Variants in FBXO10 observed in about 807,000 individuals in gnomAD.
FBXO10 encodes F-box protein 10, also known as F-box only protein 10.
Under a neutral mutation model 80.7 loss-of-function variants are expected in FBXO10, and 39 were observed. That is an observed-to-expected ratio of 0.48 (90% confidence interval 0.37 to 0.63). FBXO10 has a LOEUF of 0.63. Ranked by LOEUF, FBXO10 falls within the 30% of genes least tolerant of loss-of-function variation. The pLI, the probability that FBXO10 is intolerant of heterozygous loss-of-function variation, is 0.00. For synonymous variants in FBXO10, 449 were observed against 489.6 expected (o/e 0.92, Z 1.09); for missense variants, 1,025 against 1,269.0 (o/e 0.81, Z 2.92).
Position 37,522,814 on chromosome 9 carries a change from AAGCTCCTCACCGT to A in FBXO10, c.1928_1930+10del. 1 of 1,551,564 alleles carries A rather than the reference AAGCTCCTCACCGT, an allele frequency of 6.4e-7. No homozygotes were observed. The highest frequency in any genetic ancestry group is 1.2e-5 in the South Asian group (1 of 84,018). ...CTGCCTCCCCGGCTGGGTTGGGAAC[AAGCTCCTCACCGT>A]AGATGGTATTTCCTTCTATGAGGCC... On this transcript the variant is annotated splice_donor_variant and splice_donor_5th_base_variant and coding_sequence_variant and intron_variant, in exon 7 of 11. Coordinates refer to ENST00000432825, the MANE Select transcript of FBXO10 (RefSeq NM_012166.3). LOFTEE classifies it high-confidence loss of function.
In FBXO10 at chr9:37,524,828, G is replaced by T. The variant is rs977757869; in HGVS notation, c.1777+274C>A. Among the ~76,000 whole-genome samples, 4 of 152,242 alleles carry T rather than the reference G, an allele frequency of 2.6e-5. No homozygotes were observed. The South Asian group carries it at 8.3e-4, about 31-fold the overall frequency. ...CCAAGAGGAGGGATTTGGACAGGTG[G>T]TTGGGCATCAGTGCTTCTGAAACTG... On this transcript the variant is annotated intron_variant, in intron 6 of 10. Transcript: ENST00000432825.
Position 37,512,541 on chromosome 9 carries a change from G to C in FBXO10, c.*6C>G. 6.2e-7 allele frequency: 1 copy of C among 1,611,786 alleles called. No homozygotes were observed. The highest frequency in any genetic ancestry group is 8.5e-7 in the Non-Finnish European group (1 of 1,178,250). Reference sequence around the variant, plus strand: ...CCAGGCTTGGCCCTGAAGCAGGTCTGTGTCCTCACAGGATGGTGCAGAAGA... The same window carrying C: ...CCAGGCTTGGCCCTGAAGCAGGTCTCTGTCCTCACAGGATGGTGCAGAAGA... On this transcript the variant is annotated 3_prime_UTR_variant, in exon 11 of 11. Coordinates refer to ENST00000432825, the MANE Select transcript of FBXO10 (RefSeq NM_012166.3).
chr9:37,544,276 A>C (rs1016940693), intron 1 of FBXO10, among the ~76,000 whole-genome samples: 1 of 152,038 alleles, frequency 6.6e-6, no homozygotes, highest in African/African-American at 2.4e-5. Flanking sequence ...CTCAAAACAA[A>C]ACAAAAATTA....
At chr9:37,512,871 A>C in intron 10 of FBXO10, 150 bp from the exon 11 acceptor site, 2 of 805,426 alleles carry the variant, frequency 2.5e-6, no homozygotes, top group South Asian at 3.9e-5. Context: ...GTGTTAGTCC[A>C]AAGAGGTGGG....
chr9:37,547,235 T>G (rs1464755269), intron 1 of FBXO10, among the ~76,000 whole-genome samples: 2 of 152,224 alleles, frequency 1.3e-5, no homozygotes, highest in Non-Finnish European at 2.9e-5. Context: ...AATAGAGTAC[T>G]ATTCAGCAAT....
chr9:37,525,251 T>G (rs1428288310), intron 5 of FBXO10, 79 bp from the exon 6 acceptor site: 2 of 1,334,334 alleles, frequency 1.5e-6, no homozygotes, highest in South Asian at 2.5e-5. Flanking sequence ...CCTTCTTTCA[T>G]GGAAACCCTG....
intron 1 of FBXO10, among the ~76,000 whole-genome samples, chr9:37,557,059 C>A (rs1057057084): frequency 6.6e-6 from 1 of 152,188 alleles, no homozygotes; most frequent in African/African-American, 2.4e-5. Context: ...ACAAGGAGAG[C>A]ATTCTTAGCT....
chr9:37,527,417 A>G (rs562461099), intron 5 of FBXO10, among the ~76,000 whole-genome samples: 2 of 152,192 alleles, frequency 1.3e-5, no homozygotes, highest in East Asian at 3.9e-4. Context: ...CCTTTGCACT[A>G]TCCCTCTGGT....
intron 1 of FBXO10, among the ~76,000 whole-genome samples, chr9:37,565,091 C>G (rs908711821): frequency 2.6e-5 from 4 of 152,110 alleles, no homozygotes; most frequent in Non-Finnish European, 5.9e-5. Context: ...GATAGTGAGT[C>G]CCATGAGATC....
intron 1 of FBXO10, among the ~76,000 whole-genome samples, chr9:37,547,005 TCA>T (rs1822074266): frequency 1.3e-5 from 2 of 152,216 alleles, no homozygotes; most frequent in African/African-American, 4.8e-5. Flanking sequence ...GAAAAGTGTT[TCA>T]GTTTCTTCTA....
intron 1 of FBXO10, among the ~76,000 whole-genome samples, chr9:37,549,157 G>A (rs1413623334): frequency 6.6e-6 from 1 of 152,088 alleles, no homozygotes; most frequent in Non-Finnish European, 1.5e-5. Flanking sequence ...TTGTGAGCTT[G>A]TCTTTTTCTC....
chr9:37,573,443 A>G (rs897478043), intron 1 of FBXO10, among the ~76,000 whole-genome samples: 1 of 152,238 alleles, frequency 6.6e-6, no homozygotes, highest in Non-Finnish European at 1.5e-5. Flanking sequence ...TCATGCTGGC[A>G]GAGATTTGGT....
In FBXO10 at chr9:37,525,146, G is replaced by A; in HGVS notation, c.1733C>T (p.Ala578Val). The change falls in exon 6 of 11, where the codon GCT becomes GTT. Residue 578 changes from alanine (A) to valine (V), a missense_variant. Physicochemically the swap from Ala to Val is moderately conservative, Grantham distance 64. Coordinates refer to ENST00000432825, the MANE Select transcript of FBXO10 (RefSeq NM_012166.3). ...GTTCTCATTCACTGCTATGCCGGCA[G>A]CACGGCCCTTGAAGATGTGGTTCCC... is the stretch of plus-strand genomic sequence containing the variant. The part of the protein sequence containing the change: ...VSGNHIFKGR[A>V]AGIAVNENGK... The A allele has an allele frequency of 6.4e-7, 1 of 1,564,540 alleles. No homozygotes were observed. Among genetic ancestry groups the A allele is most frequent in the Non-Finnish European group, 8.7e-7 (1 of 1,154,358 alleles).
At chr9:37,564,803 G>A (rs1184468947) in intron 1 of FBXO10, among the ~76,000 whole-genome samples, 1 of 152,210 alleles carries the variant, frequency 6.6e-6, no homozygotes, top group East Asian at 1.9e-4. Context: ...TAGGCAGAAG[G>A]GACTTGCCTT....
chr9:37,513,235 G>T (rs758839070), intron 10 of FBXO10, among the ~76,000 whole-genome samples: 2 of 152,242 alleles, frequency 1.3e-5, no homozygotes, highest in African/African-American at 2.4e-5. Context: ...CTGGGCTCAA[G>T]TGATCCTCCT....
chr9:37,514,416 G>A (rs1821133036), intron 10 of FBXO10, among the ~76,000 whole-genome samples: 1 of 152,158 alleles, frequency 6.6e-6, no homozygotes, highest in African/African-American at 2.4e-5. Flanking sequence ...AATATAATCT[G>A]CTGGGATATT....
At chr9:37,538,717 A>G (rs1388346650) in intron 2 of FBXO10, among the ~76,000 whole-genome samples, 1 of 151,868 alleles carries the variant, frequency 6.6e-6, no homozygotes, top group Non-Finnish European at 1.5e-5. Flanking sequence ...CCAAAAAAAA[A>G]AAAAAAAAGC....
In FBXO10 at chr9:37,514,553, C is replaced by T. The variant is rs551242207; in HGVS notation, c.2696+1351G>A. 1.8e-4 allele frequency among the ~76,000 whole-genome samples: 27 copies of T among 151,810 alleles called. No homozygotes were observed. The South Asian group carries it at 4.6e-3, about 26-fold the overall frequency. On this transcript the variant is annotated intron_variant, in intron 10 of 10. Transcript: ENST00000432825. ...ATATATAAGTTATAAATAGGTATACCGGTGAGGCGCGGTGGCTCACACCTG... is the reference window on the plus strand; with the variant it reads ...ATATATAAGTTATAAATAGGTATACTGGTGAGGCGCGGTGGCTCACACCTG...
At chr9:37,551,807 T>G (rs1341394757) in intron 1 of FBXO10, among the ~76,000 whole-genome samples, 1 of 152,236 alleles carries the variant, frequency 6.6e-6, no homozygotes, top group Non-Finnish European at 1.5e-5. Flanking sequence ...ATCTTTGTGT[T>G]CTGCTTCCCT....
Sources: gnomAD v4.1 joint callset for allele counts (sites outside exome capture counted in the v4.1 genomes callset) on GRCh38, gnomAD v4.1.1 for gene constraint, MANE v1.5 for transcripts, NCBI Gene and HGNC (gene_info 2026-07-23, HGNC 2026-07-21) for gene names.